The following ADCY3 variants were observed in gnomAD, a reference collection of about 807,000 sequenced individuals.
ADCY3 encodes adenylate cyclase 3.
In ADCY3, 70 loss-of-function variants were observed where a neutral mutation model predicts 119.4. The ratio of observed to expected loss-of-function variants is 0.59; its 90% CI spans 0.48 to 0.72. ADCY3 has a LOEUF of 0.72. ADCY3 is among the 30% of genes least tolerant of loss of function. The pLI is 0.00. For missense variants in ADCY3, 1,238 were observed against 1,541.6 expected (o/e 0.80, Z 3.30); for synonymous variants, 672 against 621.4 (o/e 1.08, Z -1.21).
At chr2:24,860,940 T>C (rs1245374066) in intron 3 of ADCY3, among the ~76,000 whole-genome samples, 1 of 152,160 alleles carries the variant, frequency 6.6e-6, no homozygotes, top group African/African-American at 2.4e-5. Context: ...AGCCGCACAC[T>C]CTTAAGGCAG....
In ADCY3 at chr2:24,842,115, G is replaced by A. The variant is rs2148582416; in HGVS notation, c.956+139C>T. 2 of 1,261,160 alleles carry A rather than the reference G, an allele frequency of 1.6e-6. No individual in the cohort carries two copies. The highest frequency in any genetic ancestry group is 1.1e-6 in the Non-Finnish European group (1 of 913,584). 78.1% of individuals were successfully genotyped at this position (1,261,160 alleles called of 1,614,324 possible). On this transcript the variant is annotated intron_variant, in intron 4 of 21. Coordinates refer to ENST00000679454, the MANE Select transcript of ADCY3 (RefSeq NM_004036.5). This position sits in a 1 kb window ranked among gnomAD's most constrained non-coding sequence, Gnocchi z 4.9. ...CATCTGCTGGCAGCTTCCTCCGCCA[G>A]GCTGATGAATGCTGTGGGAGGCCTT... is the stretch of plus-strand genomic sequence containing the variant.
intron 11 of ADCY3, chr2:24,832,272 G>A (rs1000196535): frequency 6.1e-6 from 1 of 162,992 alleles, no homozygotes; most frequent in East Asian, 1.8e-4. Context: ...ACATTTCCCA[G>A]AGAGGGAACA....
Position 24,884,471 on chromosome 2 carries a change from C to CTCT in ADCY3, c.676-11753_676-11752insAGA, listed in dbSNP as rs1676777986. Among the ~76,000 whole-genome samples the CTCT allele has an allele frequency of 2.0e-5, 2 of 97,860 alleles. 1 individual carries two copies. 64.2% of individuals were successfully genotyped at this position (97,860 alleles called of 152,430 possible). ...TTTATTGTCTTTATTTTCTAATAAT[C>CTCT]TTTTTTTTTTTTTTTTTTTTTTGAG... is the stretch of plus-strand genomic sequence containing the variant. On this transcript the variant is annotated intron_variant, in intron 2 of 21. Coordinates refer to ENST00000679454, the MANE Select transcript of ADCY3 (RefSeq NM_004036.5).
At chr2:24,839,764 G>A in intron 7 of ADCY3, 109 bp downstream of exon 7, 1 of 1,485,952 alleles carries the variant, frequency 6.7e-7, no homozygotes, top group Non-Finnish European at 9.3e-7. Flanking sequence ...GGGTTGTAGG[G>A]AGGCCTTCTC....
chr2:24,909,072 T>G (rs1423547403), intron 2 of ADCY3, among the ~76,000 whole-genome samples: 1 of 152,204 alleles, frequency 6.6e-6, no homozygotes, highest in African/African-American at 2.4e-5. Context: ...GAGTACAAGG[T>G]CTGGTATACA....
At chr2:24,915,895 C>A (rs1664389345) in intron 2 of ADCY3, among the ~76,000 whole-genome samples, 1 of 152,152 alleles carries the variant, frequency 6.6e-6, no homozygotes, top group Non-Finnish European at 1.5e-5. Flanking sequence ...TTGAGGAAGA[C>A]CCTGGTGGGT....
In ADCY3 at chr2:24,820,013, G is replaced by A. The variant is rs1177358605; in HGVS notation, c.3354C>T (p.Phe1118=). Residue 1118 remains phenylalanine, a synonymous_variant, in exon 22 of 22, where the codon TTC becomes TTT. Transcript: ENST00000679454. ...VKGKGELLTF[F]LKGRDKLATF... is the part of the protein sequence containing the mutation. ...TGGCTAGCTTATCCCGCCCCTTCAAGAAGAAGGTCAGCAGCTCCCCCTTCC... is the reference window on the plus strand; with the variant it reads ...TGGCTAGCTTATCCCGCCCCTTCAAAAAGAAGGTCAGCAGCTCCCCCTTCC... 1 of 1,612,638 alleles carries A rather than the reference G, an allele frequency of 6.2e-7. No homozygotes were observed. Among genetic ancestry groups the A allele is most frequent in the South Asian group, 1.1e-5 (1 of 90,950 alleles).
At chr2:24,881,014 CAAAA>C (rs35610206) in intron 2 of ADCY3, among the ~76,000 whole-genome samples, 1 of 135,366 alleles carries the variant, frequency 7.4e-6, no homozygotes, top group Admixed American at 7.6e-5. Context: ...GACTCCACCT[CAAAA>C]AAAAAAAAAA....
intron 9 of ADCY3, among the ~76,000 whole-genome samples, chr2:24,835,376 C>T (rs1382013500): frequency 6.6e-6 from 1 of 152,170 alleles, no homozygotes; most frequent in African/African-American, 2.4e-5. Flanking sequence ...GTTAAAGGAA[C>T]TCACATCTGG....
Position 24,841,545 on chromosome 2 carries a change from C to T in ADCY3, c.1068+11G>A. ...GCCCCGCTGGAGAGCCAGGCGGGGC[C>T]AGGGACTTACAGCTGCCAGCTTGTC... On this transcript the variant is annotated intron_variant, in intron 5 of 21. Transcript: ENST00000679454. This position sits in a 1 kb window ranked among gnomAD's most constrained non-coding sequence, Gnocchi z 5.8. 1 of 1,611,178 alleles carries T rather than the reference C, an allele frequency of 6.2e-7. No homozygotes were observed. Among genetic ancestry groups the T allele is most frequent in the Non-Finnish European group, 8.5e-7 (1 of 1,179,070 alleles).
Position 24,918,690 on chromosome 2 carries a change from A to C in ADCY3, c.298T>G (p.Phe100Val), listed in dbSNP as rs1320852006. The change falls in exon 2 of 22, where the codon TTC becomes GTC. Residue 100 changes from phenylalanine (F) to valine (V), a missense_variant. Coordinates refer to ENST00000679454, the MANE Select transcript of ADCY3 (RefSeq NM_004036.5). The surrounding 1 kb of genome is among the most constrained non-coding windows in gnomAD (Gnocchi z 5.4). The part of the protein sequence containing the change: ...CYVVVMCAVV[F>V]SSDKLASLAV... ...AGGGAAGCCAGCTTGTCGCTGGAGA[A>C]GACCACAGCACACATGACCACCACG... is the stretch of plus-strand genomic sequence containing the variant. The C allele has an allele frequency of 1.2e-6, 2 of 1,613,944 alleles. No individual in the cohort carries two copies. Among genetic ancestry groups the C allele is most frequent in the African/African-American group, 2.7e-5 (2 of 74,924 alleles).
At chr2:24,871,134 A>AT (rs11433494) in intron 3 of ADCY3, among the ~76,000 whole-genome samples, 71,500 of 148,730 alleles carry the variant, frequency 0.48, 17,527 homozygotes, top group African/African-American at 0.62. Context: ...TGACACATGC[A>AT]TTTTTTTTTT....
intron 3 of ADCY3, among the ~76,000 whole-genome samples, chr2:24,848,026 C>T (rs976915200): frequency 3.0e-4 from 45 of 152,212 alleles, no homozygotes; most frequent in Admixed American, 2.9e-3. Flanking sequence ...TGGCTCAGCC[C>T]CCAGCCCTGC....
chr2:24,827,735 C>G lies in ADCY3; in HGVS notation c.2433-127G>C, dbSNP rs937876218. On this transcript the variant is annotated intron_variant, in intron 14 of 21. Coordinates refer to ENST00000679454, the MANE Select transcript of ADCY3 (RefSeq NM_004036.5). Reference sequence around the variant, plus strand: ...GGAAGAATCTATTCTCAGGTCCTAGCCAAACAGTGATACGTCTGTGAGCAG... The same window carrying G: ...GGAAGAATCTATTCTCAGGTCCTAGGCAAACAGTGATACGTCTGTGAGCAG... 8.3e-5 allele frequency: 118 copies of G among 1,415,828 alleles called. No individual in the cohort carries two copies. Among genetic ancestry groups the G allele is most frequent in the Non-Finnish European group, 1.0e-4 (107 of 1,026,200 alleles). The allele number at this position is 1,415,828 out of a possible 1,614,324, so 87.7% of individuals were successfully genotyped here. A position where few individuals can be genotyped will look rare whatever the true frequency, so the allele number is the denominator to read the frequency against.
At position 24,819,921 on chromosome 2, in the gene ADCY3, C is replaced by T. The variant is rs1439722248; in HGVS notation, c.*11G>A. On this transcript the variant is annotated 3_prime_UTR_variant, in exon 22 of 22. Transcript: ENST00000679454. ...CCCTTCCGGTTTGGACTGTTGCAGG[C>T]TCGAGGCCATTCAGGAGTTGTCCAC... The T allele has an allele frequency of 6.2e-7, 1 of 1,612,780 alleles. No individual in the cohort carries two copies. Among genetic ancestry groups the T allele is most frequent in the East Asian group, 2.2e-5 (1 of 44,822 alleles).
chr2:24,839,769 C>T, intron 7 of ADCY3, 104 bp downstream of exon 7: 13 of 1,535,200 alleles, frequency 8.5e-6, no homozygotes, highest in South Asian at 6.9e-5. Context: ...GTAGGGAGGC[C>T]TTCTCTGAGG....
Position 24,919,054 on chromosome 2 carries a change from G to A in ADCY3, c.-67C>T. 4.1e-6 allele frequency: 6 copies of A among 1,454,094 alleles called. No individual in the cohort carries two copies. The highest frequency in any genetic ancestry group is 4.6e-6 in the Non-Finnish European group (5 of 1,097,182). The allele number at this position is 1,454,094 out of a possible 1,614,324, so 90.1% of individuals were successfully genotyped here. On this transcript the variant is annotated 5_prime_UTR_variant, in exon 2 of 22. Coordinates refer to ENST00000679454, the MANE Select transcript of ADCY3 (RefSeq NM_004036.5). The surrounding 1 kb of genome is among the most constrained non-coding windows in gnomAD (Gnocchi z 5.5). ...GAACGGAGGAAGAGCTCTGGACTGG[G>A]CCTCCTCTCAGGGCTCTCTGAGACC...
chr2:24,864,433 C>T (rs181367747), intron 3 of ADCY3, among the ~76,000 whole-genome samples: 55 of 152,208 alleles, frequency 3.6e-4, no homozygotes, highest in Non-Finnish European at 7.5e-4. Flanking sequence ...TCTGTACACC[C>T]GTGTTCACAG....
chr2:24,884,592 C>G (rs999300583), intron 2 of ADCY3, among the ~76,000 whole-genome samples: 1 of 150,682 alleles, frequency 6.6e-6, no homozygotes, highest in African/African-American at 2.4e-5. Flanking sequence ...TCTTCTGCCT[C>G]AGCCTCCCGA....
Sources: allele counts gnomAD v4.1 joint callset (sites outside exome capture counted in the v4.1 genomes callset), GRCh38; gene constraint gnomAD v4.1.1; non-coding constraint Gnocchi (gnomAD v3.1); transcripts MANE v1.5; gene names NCBI Gene and HGNC (gene_info 2026-07-23, HGNC 2026-07-21).